The following INPP5A variants were observed in gnomAD, a reference collection of about 807,000 sequenced individuals.
The protein encoded by INPP5A is inositol polyphosphate-5-phosphatase A.
Under a neutral mutation model 65.2 loss-of-function variants are expected in INPP5A, and 14 were observed. The ratio of observed to expected loss-of-function variants is 0.21; its 90% CI spans 0.14 to 0.34. The LOEUF is 0.34. Ranked by LOEUF, INPP5A falls within the 10% of genes least tolerant of loss-of-function variation. The probability of loss-of-function intolerance (pLI) is 1.00; values close to 1 mark genes in which losing one functional copy is unlikely to be tolerated. For synonymous variants in INPP5A, 207 were observed against 208.3 expected (o/e 0.99, Z 0.05); for missense variants, 431 against 545.6 (o/e 0.79, Z 2.09).
chr10:132,583,231 ATT>A (rs2071506615), intron 1 of INPP5A, among the ~76,000 whole-genome samples: 1 of 152,180 alleles, frequency 6.6e-6, no homozygotes, highest in Non-Finnish European at 1.5e-5. Flanking sequence ...GTTGTTTACT[ATT>A]AGTGAATGGA....
chr10:132,737,705 C>T (rs544966662), intron 9 of INPP5A, among the ~76,000 whole-genome samples: 5 of 152,356 alleles, frequency 3.3e-5, no homozygotes, highest in African/African-American at 1.2e-4. Context: ...CCGTGCTGCT[C>T]GGTTCACTCA....
In INPP5A at chr10:132,651,606, G is replaced by A. The variant is rs923132242; in HGVS notation, c.306+1101G>A. ...ATCAGCGCCCACTAGCCGTCATTGC[G>A]CCGTCACGTGACAGGCCCTTGTTAA... On this transcript the variant is annotated intron_variant, in intron 4 of 15. Transcript: ENST00000368594. The surrounding 1 kb of genome is among the most constrained non-coding windows in gnomAD (Gnocchi z 5.0). 3.9e-5 allele frequency among the ~76,000 whole-genome samples: 6 copies of A among 152,144 alleles called. No individual in the cohort carries two copies. Among genetic ancestry groups the A allele is most frequent in the African/African-American group, 4.8e-5 (2 of 41,426 alleles).
rs989423341 is a variant in INPP5A at position 132,762,762 on chromosome 10, A to G, written c.904-3011A>G. ...GTAGAACACTTGGGGAGGCCGAGGC[A>G]GGAGGATTGCTTGAGGCCAGTAGTC... On this transcript the variant is annotated intron_variant, in intron 11 of 15. Transcript: ENST00000368594. The surrounding 1 kb of genome is among the most constrained non-coding windows in gnomAD (Gnocchi z 4.6). Among the ~76,000 whole-genome samples, 3 of 152,200 alleles carry G rather than the reference A, an allele frequency of 2.0e-5. No individual in the cohort carries two copies. Among genetic ancestry groups the G allele is most frequent in the African/African-American group, 4.8e-5 (2 of 41,456 alleles).
rs974222443 is a variant in INPP5A, at chr10:132,644,529, A to T, written c.118-1339A>T. 6.6e-5 allele frequency among the ~76,000 whole-genome samples: 10 copies of T among 152,210 alleles called. No homozygotes were observed. Among genetic ancestry groups the T allele is most frequent in the African/African-American group, 2.4e-4 (10 of 41,450 alleles). On this transcript the variant is annotated intron_variant, in intron 2 of 15. Coordinates refer to ENST00000368594, the MANE Select transcript of INPP5A (RefSeq NM_005539.5). The surrounding 1 kb of genome is among the most constrained non-coding windows in gnomAD (Gnocchi z 6.5). ...GGACCGTGGCCGCTGGGCTCCTGGGAGGTGGGCCATGCCCACAGCTCCACC... is the reference window on the plus strand; with the variant it reads ...GGACCGTGGCCGCTGGGCTCCTGGGTGGTGGGCCATGCCCACAGCTCCACC...
At position 132,644,023 on chromosome 10, in the gene INPP5A, G is replaced by A. The variant is rs1248953811; in HGVS notation, c.118-1845G>A. Reference sequence around the variant, plus strand: ...AAAACCAGAGTTGTGCATCAAGACAGCTGGAACCAGACCACCGGAAACACT... The same window carrying A: ...AAAACCAGAGTTGTGCATCAAGACAACTGGAACCAGACCACCGGAAACACT... On this transcript the variant is annotated intron_variant, in intron 2 of 15. Transcript: ENST00000368594. This position sits in a 1 kb window ranked among gnomAD's most constrained non-coding sequence, Gnocchi z 6.5. Among the ~76,000 whole-genome samples the A allele has an allele frequency of 6.6e-6, 1 of 152,128 alleles. No homozygotes were observed. The highest frequency in any genetic ancestry group is 2.4e-5 in the African/African-American group (1 of 41,408).
At chr10:132,726,584 G>A (rs984078185) in intron 8 of INPP5A, among the ~76,000 whole-genome samples, 5 of 152,154 alleles carry the variant, frequency 3.3e-5, no homozygotes, top group Admixed American at 6.5e-5. Flanking sequence ...CCTCCATGTC[G>A]CTGGCAACAG....
chr10:132,609,109 A>G (rs2071905460), intron 2 of INPP5A, among the ~76,000 whole-genome samples: 1 of 152,230 alleles, frequency 6.6e-6, no homozygotes, highest in Non-Finnish European at 1.5e-5. Context: ...CTTAGCACCT[A>G]TGTGGTGAGG....
intron 8 of INPP5A, among the ~76,000 whole-genome samples, chr10:132,716,605 C>G (rs1055006319): frequency 6.6e-6 from 1 of 152,042 alleles, no homozygotes. Flanking sequence ...TGTCTCCACT[C>G]CCGCTGGTCC....
intron 2 of INPP5A, among the ~76,000 whole-genome samples, chr10:132,611,062 T>TTCA (rs2071939599): frequency 1.8e-5 from 1 of 55,330 alleles, no homozygotes; most frequent in African/African-American, 7.2e-5. Context: ...GGGAGGTGAG[T>TTCA]TGGGCAGGGC....
At chr10:132,620,418 C>T (rs1034357814) in intron 2 of INPP5A, among the ~76,000 whole-genome samples, 1 of 152,230 alleles carries the variant, frequency 6.6e-6, no homozygotes, top group African/African-American at 2.4e-5. Flanking sequence ...TTTGCTCCCA[C>T]ATCTGAGTGT....
chr10:132,696,344 A>G (rs1242303071), intron 5 of INPP5A, among the ~76,000 whole-genome samples: 1 of 152,192 alleles, frequency 6.6e-6, no homozygotes, highest in East Asian at 1.9e-4. Flanking sequence ...GTGGAAAGCA[A>G]AATACCCAGA....
chr10:132,775,422 T>C (rs1847047817), intron 12 of INPP5A, among the ~76,000 whole-genome samples: 1 of 152,070 alleles, frequency 6.6e-6, no homozygotes, highest in Non-Finnish European at 1.5e-5. Context: ...AGGCCCCGCG[T>C]CCTGCTGCTC....
chr10:132,607,180 T>G (rs1590863541), intron 1 of INPP5A, among the ~76,000 whole-genome samples: 1 of 152,184 alleles, frequency 6.6e-6, no homozygotes, highest in Admixed American at 6.5e-5. Context: ...GCGGTCAGGG[T>G]GGAGAGCGAC....
intron 12 of INPP5A, among the ~76,000 whole-genome samples, chr10:132,769,808 C>CT (rs1048854466): frequency 2.0e-5 from 3 of 151,686 alleles, no homozygotes; most frequent in African/African-American, 7.3e-5. Flanking sequence ...GCTCCCCCCC[C>CT]CCAAGTTCCT....
chr10:132,744,758 GA>G (rs1846338895), intron 9 of INPP5A, among the ~76,000 whole-genome samples: 1 of 152,232 alleles, frequency 6.6e-6, no homozygotes, highest in African/African-American at 2.4e-5. Context: ...AGGAGAGGAA[GA>G]AGTTGTTGGG....
At position 132,697,841 on chromosome 10, in the gene INPP5A, C is replaced by A; in HGVS notation, c.396C>A (p.Gly132=). Residue 132 remains glycine (G), a synonymous_variant, in exon 6 of 16, where the codon GGC becomes GGA. Transcript: ENST00000368594. This position sits in a 1 kb window ranked among gnomAD's most constrained non-coding sequence, Gnocchi z 5.6. ...FKAKKYRKVA[G]KEIYSDTLES... ...CTAAGAAGTATAGAAAGGTCGCTGG[C>A]AAAGAGATCTACTCGGATACCTTAG... 3 of 1,613,456 alleles carry A rather than the reference C, an allele frequency of 1.9e-6. No homozygotes were observed. The highest frequency in any genetic ancestry group is 1.7e-5 in the Admixed American group (1 of 60,016).
intron 4 of INPP5A, among the ~76,000 whole-genome samples, chr10:132,667,458 C>T (rs140837809): frequency 2.0e-5 from 3 of 152,254 alleles, no homozygotes; most frequent in East Asian, 3.9e-4. Flanking sequence ...TATCAAATTG[C>T]GTTATCCTCT....
At chr10:132,625,839 TCTGTGTGTG>T (rs2072175091) in intron 2 of INPP5A, among the ~76,000 whole-genome samples, 2 of 75,828 alleles carry the variant, frequency 2.6e-5, no homozygotes, top group African/African-American at 6.0e-5. Flanking sequence ...TGGCAGGACT[TCTGTGTGTG>T]TGTGTGTGTG....
chr10:132,657,509 G>C (rs1276467927), intron 4 of INPP5A, among the ~76,000 whole-genome samples: 1 of 152,230 alleles, frequency 6.6e-6, no homozygotes, highest in East Asian at 1.9e-4. Flanking sequence ...TAGTCTGTAA[G>C]AGGCAGGCTC....
Sources: allele counts gnomAD v4.1 joint callset (sites outside exome capture counted in the v4.1 genomes callset), GRCh38; gene constraint gnomAD v4.1.1; non-coding constraint Gnocchi (gnomAD v3.1); transcripts MANE v1.5; gene names NCBI Gene and HGNC (gene_info 2026-07-23, HGNC 2026-07-21).